The following RCBTB1 variants were observed in gnomAD, a reference collection of about 807,000 sequenced individuals.
The protein encoded by RCBTB1 is RCC1 and BTB domain containing protein 1, also known as RCC1 and BTB domain-containing protein 1.
In RCBTB1, 46 loss-of-function variants were observed where a neutral mutation model predicts 62.4. The ratio of observed to expected loss-of-function variants is 0.74; its 90% confidence interval spans 0.58 to 0.94. The LOEUF (loss-of-function observed/expected upper bound fraction) is 0.94. RCBTB1 is among the 40% of genes least tolerant of loss of function. The probability of loss-of-function intolerance (pLI) is 0.00; values close to 1 mark genes in which losing one functional copy is unlikely to be tolerated. For synonymous variants in RCBTB1, 222 were observed against 245.8 expected (o/e 0.90, Z 0.91); for missense variants, 565 against 654.9 (o/e 0.86, Z 1.50).
In RCBTB1 at chr13:49,532,934, A is replaced by G. The variant is rs972640607; in HGVS notation, c.*1188T>C. On this transcript the variant is annotated 3_prime_UTR_variant, in exon 13 of 13. Coordinates refer to ENST00000378302, the MANE Select transcript of RCBTB1 (RefSeq NM_018191.4). Reference sequence around the variant, plus strand: ...TCACAGTTGAACACTCTTACATCCCAAAGTCACCTTCCATAACCAGTTCAA... The same window carrying G: ...TCACAGTTGAACACTCTTACATCCCGAAGTCACCTTCCATAACCAGTTCAA... 2.6e-5 allele frequency: 4 copies of G among 152,224 alleles called. No homozygotes were observed. Among genetic ancestry groups the G allele is most frequent in the African/African-American group, 9.7e-5 (4 of 41,450 alleles). 9.4% of individuals were successfully genotyped at this position (152,224 alleles called of 1,614,324 possible).
intron 9 of RCBTB1, among the ~76,000 whole-genome samples, 186 bp from the exon 10 acceptor site, chr13:49,545,049 A>G (rs548984430): frequency 5.7e-4 from 87 of 152,242 alleles, no homozygotes; most frequent in African/African-American, 2.1e-3. Flanking sequence ...ATAAACTACC[A>G]AAGAAAACCA....
intron 2 of RCBTB1, among the ~76,000 whole-genome samples, chr13:49,575,780 AT>A (rs1340311779): frequency 6.6e-6 from 1 of 152,172 alleles, no homozygotes; most frequent in African/African-American, 2.4e-5. Context: ...AAAACTACCT[AT>A]TGGATACTAT....
At position 49,533,548 on chromosome 13, in the gene RCBTB1, C is replaced by CT. The variant is rs1473743550; in HGVS notation, c.*573dup. On this transcript the variant is annotated 3_prime_UTR_variant, in exon 13 of 13. Transcript: ENST00000378302. ...GGTTTAATATACGTTAAACTTATTA[C>CT]TTTGATTTATCTTGAAGTTAAAAAA... 3 of 152,306 alleles carry CT rather than the reference C, an allele frequency of 2.0e-5. No individual in the cohort carries two copies. Among genetic ancestry groups the CT allele is most frequent in the Non-Finnish European group, 4.4e-5 (3 of 68,034 alleles). 9.4% of individuals were successfully genotyped at this position (152,306 alleles called of 1,614,324 possible).
Position 49,534,201 on chromosome 13 carries a change from GC to G in RCBTB1, c.1516del (p.Ala506GlnfsTer11). The G allele has an allele frequency of 6.2e-7, 1 of 1,614,094 alleles. No homozygotes were observed. Among genetic ancestry groups the G allele is most frequent in the Non-Finnish European group, 8.5e-7 (1 of 1,179,946 alleles). Reference sequence around the variant, plus strand: ...AGGGCCATCCATTTGCCAAAATGCTGCAGTCTGTGTAACTTCTGTCAAATGA... The same window carrying G: ...AGGGCCATCCATTTGCCAAAATGCTGAGTCTGTGTAACTTCTGTCAAATGA... ...INHLTEVTQT[A>X]AFWQMDGPLL... On this transcript the variant is annotated frameshift_variant, in exon 13 of 13. Coordinates refer to ENST00000378302, the MANE Select transcript of RCBTB1 (RefSeq NM_018191.4). LOFTEE classifies it high-confidence loss of function.
rs138203444 is a variant in RCBTB1 at position 49,543,658 on chromosome 13, C to T, written c.1172+1079G>A. Among the ~76,000 whole-genome samples the T allele has an allele frequency of 4.8e-4, 73 of 152,288 alleles. No individual in the cohort carries two copies. The East Asian group carries it at 0.013, about 27-fold the overall frequency. ...TTTGTGGCAAACAGTTACTAATAAA[C>T]GCATAGGTCCCTCACATTTATACAA... is the stretch of plus-strand genomic sequence containing the variant. On this transcript the variant is annotated intron_variant, in intron 10 of 12. Coordinates refer to ENST00000378302, the MANE Select transcript of RCBTB1 (RefSeq NM_018191.4).
At chr13:49,553,774 C>T (rs9568251) in intron 6 of RCBTB1, among the ~76,000 whole-genome samples, 37,238 of 151,970 alleles carry the variant, frequency 0.25, 5,906 homozygotes, top group African/African-American at 0.44. Context: ...GGCACTTTCA[C>T]CCAGTGCCAG....
At chr13:49,572,380 G>T (rs1402981234) in intron 2 of RCBTB1, among the ~76,000 whole-genome samples, 1 of 151,286 alleles carries the variant, frequency 6.6e-6, no homozygotes, top group African/African-American at 2.4e-5. Flanking sequence ...ACATTATTTA[G>T]GACAGCTCTG....
intron 2 of RCBTB1, among the ~76,000 whole-genome samples, 165 bp downstream of exon 2, chr13:49,580,340 T>A (rs916337315): frequency 5.3e-5 from 8 of 152,060 alleles, no homozygotes; most frequent in African/African-American, 1.9e-4. Flanking sequence ...ATCCCAGCAT[T>A]TTAGGAGGCG....
chr13:49,551,056 T>A, intron 8 of RCBTB1: 1 of 360,556 alleles, frequency 2.8e-6, no homozygotes, highest in Non-Finnish European at 5.0e-6. Flanking sequence ...TGAGCCGAGA[T>A]CGTGCCATTG....
intron 12 of RCBTB1, among the ~76,000 whole-genome samples, chr13:49,537,491 G>A (rs879547067): frequency 2.0e-5 from 3 of 152,118 alleles, no homozygotes; most frequent in Admixed American, 6.5e-5. Flanking sequence ...TCATACCCCA[G>A]ACCAACTTCA....
chr13:49,583,691 C>T (rs1853829), intron 1 of RCBTB1, among the ~76,000 whole-genome samples: 48,758 of 151,628 alleles, frequency 0.32, 9,348 homozygotes, highest in East Asian at 0.6. Context: ...GGACTACAGG[C>T]GCACACCACC....
rs1960963865 is a variant in RCBTB1 at position 49,548,027 on chromosome 13, C to T, written c.1045+1431G>A. ...CTCCTGAGCTCAAGCAATCCACCCA[C>T]CTTGGCCTCCCAAAGTGCTGAGATT... On this transcript the variant is annotated intron_variant, in intron 9 of 12. Transcript: ENST00000378302. Among the ~76,000 whole-genome samples, 3 of 152,116 alleles carry T rather than the reference C, an allele frequency of 2.0e-5. No homozygotes were observed. The South Asian group carries it at 6.2e-4, about 32-fold the overall frequency.
In RCBTB1 at chr13:49,533,807, T is replaced by A. The variant is rs1380526895; in HGVS notation, c.*315A>T. 5.5e-6 allele frequency: 1 copy of A among 180,818 alleles called. No homozygotes were observed. The highest frequency in any genetic ancestry group is 2.4e-5 in the African/African-American group (1 of 42,472). 11.2% of individuals were successfully genotyped at this position (180,818 alleles called of 1,614,324 possible). A position where few individuals can be genotyped will look rare whatever the true frequency, so the allele number is the denominator to read the frequency against. On this transcript the variant is annotated 3_prime_UTR_variant, in exon 13 of 13. Coordinates refer to ENST00000378302, the MANE Select transcript of RCBTB1 (RefSeq NM_018191.4). ...TTGCTGCCAACTTCCCCTTTCCAAG[T>A]TCAGAAGTTCCTCTAATCAAAAATG...
At chr13:49,542,720 C>T (rs570921610) in intron 10 of RCBTB1, among the ~76,000 whole-genome samples, 158 of 145,978 alleles carry the variant, frequency 1.1e-3, no homozygotes, top group African/African-American at 3.3e-3. Context: ...TTTTTTTTTG[C>T]ATTGCCTGTT....
intron 4 of RCBTB1, among the ~76,000 whole-genome samples, chr13:49,565,698 C>T: frequency 6.6e-6 from 1 of 150,926 alleles, no homozygotes; most frequent in South Asian, 2.1e-4. Flanking sequence ...GCCCCTCCAC[C>T]CGGCAGCCAC....
intron 12 of RCBTB1, 44 bp from the exon 13 acceptor site, chr13:49,534,306 C>A: frequency 1.3e-6 from 2 of 1,589,746 alleles, no homozygotes; most frequent in Non-Finnish European, 1.7e-6. Flanking sequence ...CTTTTTTAGG[C>A]AACTTTGATT....
chr13:49,566,695 T>A lies in RCBTB1; in HGVS notation c.200A>T (p.Lys67Met). ...GDNQSTLVPK[K>M]LEGLCGKKIK... ...CTTCTTTCCACATAAGCCTTCTAGCTTTTTGGGTACAAGTGTACTCTGGTT... is the reference window on the plus strand; with the variant it reads ...CTTCTTTCCACATAAGCCTTCTAGCATTTTGGGTACAAGTGTACTCTGGTT... The change falls in exon 4 of 13, where the codon AAG becomes ATG. Residue 67 changes from lysine (K) to methionine (M), a missense_variant. By Grantham distance (95) the Lys-to-Met change is moderately conservative. Transcript: ENST00000378302. 6.2e-7 allele frequency: 1 copy of A among 1,614,102 alleles called. No homozygotes were observed. The highest frequency in any genetic ancestry group is 8.5e-7 in the Non-Finnish European group (1 of 1,179,938).
intron 1 of RCBTB1, among the ~76,000 whole-genome samples, chr13:49,583,781 C>T (rs988488422): frequency 6.6e-6 from 1 of 152,160 alleles, no homozygotes; most frequent in African/African-American, 2.4e-5. Flanking sequence ...CTCCTGGCCT[C>T]GTGTAATCTG....
chr13:49,583,271 T>C (rs1427576827), intron 1 of RCBTB1, among the ~76,000 whole-genome samples: 1 of 151,970 alleles, frequency 6.6e-6, no homozygotes, highest in Non-Finnish European at 1.5e-5. Flanking sequence ...CAGAGAAACC[T>C]AGCAGGATGG....
Sources: gnomAD v4.1 joint callset for allele counts (sites outside exome capture counted in the v4.1 genomes callset) on GRCh38, gnomAD v4.1.1 for gene constraint, MANE v1.5 for transcripts, NCBI Gene and HGNC (gene_info 2026-07-23, HGNC 2026-07-21) for gene names.